Variants in EPHA6 observed in about 807,000 individuals in gnomAD.
EPHA6 encodes the protein EPH receptor A6, also known as ephrin type-A receptor 6.
A neutral mutation model predicts 112.0 loss-of-function variants in EPHA6; 50 were observed. The observed-to-expected ratio is 0.45, with a 90% confidence interval of 0.36 to 0.56. EPHA6 has a LOEUF of 0.56. EPHA6 is among the 20% of genes least tolerant of loss of function. EPHA6 has a pLI of 0.00. For synonymous variants in EPHA6, 529 were observed against 490.7 expected, an observed-to-expected ratio of 1.08 and a Z score of -1.03; for missense variants, 1,280 against 1,417.4, an observed-to-expected ratio of 0.90 and a Z score of 1.56.
Position 97,240,034 on chromosome 3 carries a change from C to A in EPHA6, c.1271-3918C>A, listed in dbSNP as rs551413735. Among the ~76,000 whole-genome samples, 12 of 151,882 alleles carry A rather than the reference C, an allele frequency of 7.9e-5. No individual in the cohort carries two copies. In the South Asian group the frequency reaches 1.9e-3, roughly 24 times the overall value. ...AACCTCGTTTCTTCATCTGAATATACTGATATGGTTCCTTCCTGTGCTAAG... is the reference window on the plus strand; with the variant it reads ...AACCTCGTTTCTTCATCTGAATATAATGATATGGTTCCTTCCTGTGCTAAG... On this transcript the variant is annotated intron_variant, in intron 4 of 17. Transcript: ENST00000389672.
At chr3:97,747,378 C>CTT in intron 16 of EPHA6, 45 bp from the exon 17 acceptor site, 1 of 1,422,960 alleles carries the variant, frequency 7.0e-7, no homozygotes, top group Non-Finnish European at 9.2e-7. Flanking sequence ...CTTTATTTGG[C>CTT]TTTTAAATGC....
chr3:97,091,737 G>A (rs1427027621), intron 3 of EPHA6, among the ~76,000 whole-genome samples: 1 of 152,100 alleles, frequency 6.6e-6, no homozygotes, highest in Non-Finnish European at 1.5e-5. Context: ...TTGAATGTTA[G>A]CTATTTATTA....
intron 5 of EPHA6, among the ~76,000 whole-genome samples, chr3:97,308,426 T>C (rs2081413457): frequency 6.6e-6 from 1 of 151,768 alleles, no homozygotes; most frequent in African/African-American, 2.4e-5. Context: ...CCTAATGTTC[T>C]TCCATTCCTT....
At chr3:97,287,989 A>G (rs1005578185) in intron 5 of EPHA6, among the ~76,000 whole-genome samples, 1 of 151,872 alleles carries the variant, frequency 6.6e-6, no homozygotes, top group African/African-American at 2.4e-5. Flanking sequence ...GGCGTTTGTT[A>G]TTCTTGTAAA....
chr3:97,688,855 T>TA (rs2032450714), intron 14 of EPHA6, among the ~76,000 whole-genome samples: 2 of 152,190 alleles, frequency 1.3e-5, no homozygotes, highest in South Asian at 2.1e-4. Flanking sequence ...ATTATTTCAT[T>TA]AAAAAAGTAA....
chr3:97,692,755 C>T (rs1353609903), intron 14 of EPHA6, among the ~76,000 whole-genome samples: 2 of 152,194 alleles, frequency 1.3e-5, no homozygotes, highest in Admixed American at 6.5e-5. Flanking sequence ...CACTGTGGCT[C>T]AGTTTTCAGT....
At chr3:97,068,610 A>G (rs1031688241) in intron 3 of EPHA6, among the ~76,000 whole-genome samples, 5 of 151,822 alleles carry the variant, frequency 3.3e-5, no homozygotes, top group African/African-American at 9.7e-5. Context: ...AGGAACATGT[A>G]CACACTCACA....
At chr3:97,192,493 A>T (rs979858211) in intron 3 of EPHA6, among the ~76,000 whole-genome samples, 2 of 152,058 alleles carry the variant, frequency 1.3e-5, no homozygotes, top group Non-Finnish European at 2.9e-5. Flanking sequence ...TCTCCTGTAG[A>T]GTTGTTTGAG....
intron 11 of EPHA6, among the ~76,000 whole-genome samples, chr3:97,551,024 T>G (rs932974697): frequency 4.6e-5 from 7 of 152,316 alleles, no homozygotes; most frequent in Admixed American, 4.6e-4. Context: ...TTAGAAGCTC[T>G]TCTCATAATT....
intron 3 of EPHA6, among the ~76,000 whole-genome samples, chr3:97,157,931 G>A (rs918065741): frequency 6.6e-6 from 1 of 152,042 alleles, no homozygotes; most frequent in African/African-American, 2.4e-5. Flanking sequence ...GGTATTCCAT[G>A]GCTCAGTCAA....
intron 3 of EPHA6, among the ~76,000 whole-genome samples, chr3:97,211,706 C>T (rs1211075801): frequency 1.3e-5 from 2 of 152,156 alleles, no homozygotes. Flanking sequence ...CAGGCTTCAA[C>T]ATCAAAATTT....
chr3:96,838,305 G>C (rs1350261905), intron 1 of EPHA6, among the ~76,000 whole-genome samples: 2 of 152,104 alleles, frequency 1.3e-5, no homozygotes, highest in African/African-American at 4.8e-5. Context: ...ATCATTGATG[G>C]ACATTTAGGT....
chr3:96,899,323 T>A (rs1344380642), intron 2 of EPHA6, among the ~76,000 whole-genome samples: 2 of 152,194 alleles, frequency 1.3e-5, no homozygotes, highest in African/African-American at 4.8e-5. Context: ...GTCATTGGAC[T>A]TGGGGAGTTC....
chr3:97,463,751 A>T lies in EPHA6; in HGVS notation c.1895-11601A>T, dbSNP rs2090965695. ...TTCCATGATGGGAGAAAGGAAGGTT[A>T]CTTAATTCATTCCATGCACACAGAC... On this transcript the variant is annotated intron_variant, in intron 7 of 17. Coordinates refer to ENST00000389672, the MANE Select transcript of EPHA6 (RefSeq NM_001080448.3). Among the ~76,000 whole-genome samples the T allele has an allele frequency of 4.6e-5, 7 of 152,314 alleles. No homozygotes were observed. The South Asian group carries it at 1.2e-3, about 27-fold the overall frequency.
chr3:97,138,644 G>A (rs191093575), intron 3 of EPHA6, among the ~76,000 whole-genome samples: 1 of 152,264 alleles, frequency 6.6e-6, no homozygotes, highest in South Asian at 2.1e-4. Context: ...CAGTCCAGGG[G>A]CATGGAGATC....
At chr3:97,112,416 T>G (rs2047750236) in intron 3 of EPHA6, among the ~76,000 whole-genome samples, 1 of 152,148 alleles carries the variant, frequency 6.6e-6, no homozygotes, top group African/African-American at 2.4e-5. Flanking sequence ...CTGGTGATTA[T>G]TACTACAATA....
At chr3:97,599,288 A>G (rs2093622887) in intron 12 of EPHA6, among the ~76,000 whole-genome samples, 2 of 150,080 alleles carry the variant, frequency 1.3e-5, no homozygotes, top group East Asian at 3.9e-4. Flanking sequence ...CCATTTGTCA[A>G]TTTTGTCTTT....
At chr3:97,530,945 G>A (rs2092688497) in intron 10 of EPHA6, among the ~76,000 whole-genome samples, 1 of 152,020 alleles carries the variant, frequency 6.6e-6, no homozygotes, top group Non-Finnish European at 1.5e-5. Context: ...GAAATCTATT[G>A]TACTGCCAAA....
At chr3:97,515,989 T>A (rs1362560080) in intron 10 of EPHA6, among the ~76,000 whole-genome samples, 2 of 151,972 alleles carry the variant, frequency 1.3e-5, no homozygotes, top group African/African-American at 4.8e-5. Flanking sequence ...AAATCCTGCT[T>A]CCTGGCCTAG....
Sources: gnomAD v4.1 joint callset for allele counts (sites outside exome capture counted in the v4.1 genomes callset) on GRCh38, gnomAD v4.1.1 for gene constraint, MANE v1.5 for transcripts, NCBI Gene and HGNC (gene_info 2026-07-23, HGNC 2026-07-21) for gene names.